CD163: variants seen among roughly 807,000 people sequenced by gnomAD.
CD163 encodes CD163 molecule.
CD163 carries 64 observed loss-of-function variants against 129.2 expected under a neutral mutation model. That is an observed-to-expected ratio of 0.50 (90% confidence interval 0.41 to 0.61). The LOEUF is 0.61. Among genes scored for constraint, CD163 ranks in the 20% least tolerant of loss-of-function variants. The pLI is 0.00. For synonymous variants in CD163, 446 were observed against 478.5 expected (o/e 0.93, Z 0.89); for missense variants, 1,061 against 1,377.9 (o/e 0.77, Z 3.64).
At chr12:7,477,959 ATATGAAT>A (rs1283170321) in intron 16 of CD163, among the ~76,000 whole-genome samples, 1 of 152,172 alleles carries the variant, frequency 6.6e-6, no homozygotes, top group Non-Finnish European at 1.5e-5. Flanking sequence ...CTTTATGCAC[ATATGAAT>A]GCATAATTTT....
In CD163 at chr12:7,486,484, A is replaced by G; in HGVS notation, c.2458+15T>C. 2 of 1,605,042 alleles carry G rather than the reference A, an allele frequency of 1.2e-6. No individual in the cohort carries two copies. The highest frequency in any genetic ancestry group is 1.7e-6 in the Non-Finnish European group (2 of 1,173,542). ...CTCTATGTAATTATGACCAAAGGTC[A>G]TATGCATAATTTACCTGAGCAGATA... On this transcript the variant is annotated intron_variant, in intron 10 of 16. Coordinates refer to ENST00000432237, the MANE Select transcript of CD163 (RefSeq NM_203416.4).
chr12:7,499,741 C>A (rs1949453016), intron 3 of CD163, among the ~76,000 whole-genome samples: 1 of 152,074 alleles, frequency 6.6e-6, no homozygotes, highest in African/African-American at 2.4e-5. Context: ...CCATTTCACA[C>A]CTCCCATAGT....
At position 7,496,713 on chromosome 12, in the gene CD163, C is replaced by T. The variant is rs1949406575; in HGVS notation, c.1099+100G>A. On this transcript the variant is annotated intron_variant, in intron 5 of 16. Transcript: ENST00000432237. The surrounding 1 kb of genome is among the most constrained non-coding windows in gnomAD (Gnocchi z 4.8). ...GCAAGGAATTTACTAGGCATTTCTA[C>T]TTCTTAAGGAGCACGTTCCTACTCT... 4 of 952,898 alleles carry T rather than the reference C, an allele frequency of 4.2e-6. No homozygotes were observed. Among genetic ancestry groups the T allele is most frequent in the Non-Finnish European group, 6.5e-6 (4 of 614,538 alleles). 59.0% of individuals were successfully genotyped at this position (952,898 alleles called of 1,614,324 possible).
rs144129533 is a variant in CD163 at position 7,496,291 on chromosome 12, C to G, written c.1099+522G>C. Reference sequence around the variant, plus strand: ...GAGTTGAACAATGAGAACACACGGACACAGGGAGGGGAACATCACACACTG... The same window carrying G: ...GAGTTGAACAATGAGAACACACGGAGACAGGGAGGGGAACATCACACACTG... On this transcript the variant is annotated intron_variant, in intron 5 of 16. Coordinates refer to ENST00000432237, the MANE Select transcript of CD163 (RefSeq NM_203416.4). The surrounding 1 kb of genome is among the most constrained non-coding windows in gnomAD (Gnocchi z 4.8). 2.0e-3 allele frequency among the ~76,000 whole-genome samples: 301 copies of G among 150,810 alleles called. No homozygotes were observed. The highest frequency in any genetic ancestry group is 0.014 in the Middle Eastern group (4 of 292).
Position 7,485,351 on chromosome 12 carries a change from A to C in CD163, c.2524T>G (p.Phe842Val). The C allele has an allele frequency of 6.8e-6, 11 of 1,614,182 alleles. No individual in the cohort carries two copies. Among genetic ancestry groups the C allele is most frequent in the Non-Finnish European group, 9.3e-6 (11 of 1,180,026 alleles). Reference sequence around the variant, plus strand: ...ACAGTGCCCCAAGCTCCATTGTAAAAAACTTCCAGACGCCCTGCACAGGCC... The same window carrying C: ...ACAGTGCCCCAAGCTCCATTGTAAACAACTTCCAGACGCCCTGCACAGGCC... ...REACAGRLEV[F>V]YNGAWGTVGK... Residue 842 changes from phenylalanine to valine, a missense_variant, in exon 11 of 17, where the codon TTT becomes GTT. Phe to Val is a conservative substitution (Grantham distance 50). Coordinates refer to ENST00000432237, the MANE Select transcript of CD163 (RefSeq NM_203416.4). This position sits in a 1 kb window ranked among gnomAD's most constrained non-coding sequence, Gnocchi z 4.5.
In CD163 at chr12:7,487,832, A is replaced by C. The variant is rs1592001810; in HGVS notation, c.1676T>G (p.Val559Gly). ...GHESHLSLCP[V>G]APRPEGTCSH... ...ACAAGTTCCTTCTGGGCGGGGTGCT[A>C]CTGGGCAGAGTGAAAGATGGGACTC... The change falls in exon 7 of 17, where the codon GTA becomes GGA. Residue 559 changes from valine to glycine, a missense_variant. Val to Gly is a moderately radical substitution (Grantham distance 109). Coordinates refer to ENST00000432237, the MANE Select transcript of CD163 (RefSeq NM_203416.4). This position sits in a 1 kb window ranked among gnomAD's most constrained non-coding sequence, Gnocchi z 5.1. The C allele has an allele frequency of 1.9e-6, 3 of 1,614,128 alleles. No individual in the cohort carries two copies. Among genetic ancestry groups the C allele is most frequent in the East Asian group, 4.5e-5 (2 of 44,876 alleles).
intron 3 of CD163, among the ~76,000 whole-genome samples, chr12:7,500,295 C>G (rs1949462624): frequency 6.6e-6 from 1 of 151,496 alleles, no homozygotes; most frequent in South Asian, 2.1e-4. Flanking sequence ...GTGGCAGGTG[C>G]CTATAATCCC....
intron 16 of CD163, among the ~76,000 whole-genome samples, chr12:7,472,247 T>C (rs1949015591): frequency 6.6e-6 from 1 of 152,194 alleles, no homozygotes; most frequent in Non-Finnish European, 1.5e-5. Flanking sequence ...CCTCCTCAAG[T>C]GGGTCCCTGA....
At chr12:7,484,514 C>T (rs1455771839) in intron 11 of CD163, among the ~76,000 whole-genome samples, 2 of 151,936 alleles carry the variant, frequency 1.3e-5, no homozygotes, top group African/African-American at 4.8e-5. Context: ...TGGCTCATGC[C>T]TGTAATCCCA....
At position 7,500,130 on chromosome 12, in the gene CD163, A is replaced by C. The variant is rs775298957; in HGVS notation, c.458-942T>G. Among the ~76,000 whole-genome samples, 183 of 152,112 alleles carry C rather than the reference A, an allele frequency of 1.2e-3. 1 individual carries two copies. Among genetic ancestry groups the C allele is most frequent in the Non-Finnish European group, 2.1e-3 (142 of 67,978 alleles). On this transcript the variant is annotated intron_variant, in intron 3 of 16. Coordinates refer to ENST00000432237, the MANE Select transcript of CD163 (RefSeq NM_203416.4). The stretch of plus-strand genomic sequence containing the variant: ...GAGGTGAGAGGATTGTATAAAAATT[A>C]ATGAAACAGGCCAGTCACGGTGGCT...
In CD163 at chr12:7,489,469, T is replaced by C. The variant is rs771339153; in HGVS notation, c.1421-1382A>G. Among the ~76,000 whole-genome samples the C allele has an allele frequency of 2.0e-5, 3 of 152,250 alleles. No homozygotes were observed. The South Asian group carries it at 6.2e-4, about 32-fold the overall frequency. On this transcript the variant is annotated intron_variant, in intron 6 of 16. Transcript: ENST00000432237. Reference sequence around the variant, plus strand: ...ATGCAATGATCCCTTACATAATTTCTTATAATTTCTGTAATAATCATGTAT... The same window carrying C: ...ATGCAATGATCCCTTACATAATTTCCTATAATTTCTGTAATAATCATGTAT...
chr12:7,487,703 CA>C lies in CD163; in HGVS notation c.1736-31del. 1 of 1,614,142 alleles carries C rather than the reference CA, an allele frequency of 6.2e-7. No homozygotes were observed. Among genetic ancestry groups the C allele is most frequent in the South Asian group, 1.1e-5 (1 of 91,078 alleles). Reference sequence around the variant, plus strand: ...AAGGAGACAGGGCTTTAGAAAAAGACAGCTATGACTCCCTAACCCTGTCCCT... The same window carrying C: ...AAGGAGACAGGGCTTTAGAAAAAGACGCTATGACTCCCTAACCCTGTCCCT... On this transcript the variant is annotated intron_variant, in intron 7 of 16. Coordinates refer to ENST00000432237, the MANE Select transcript of CD163 (RefSeq NM_203416.4). The surrounding 1 kb of genome is among the most constrained non-coding windows in gnomAD (Gnocchi z 5.1).
intron 16 of CD163, among the ~76,000 whole-genome samples, chr12:7,475,970 G>A (rs1396963371): frequency 6.6e-6 from 1 of 152,118 alleles, no homozygotes; most frequent in Non-Finnish European, 1.5e-5. Context: ...CAAATCATTA[G>A]TGAACTCCTA....
rs562880181 is a variant in CD163, at chr12:7,480,425, C to T, written c.3344-512G>A. 1.4e-3 allele frequency: 219 copies of T among 152,880 alleles called. 1 individual carries two copies. The highest frequency in any genetic ancestry group is 2.5e-3 in the Admixed American group (39 of 15,298). 9.5% of individuals were successfully genotyped at this position (152,880 alleles called of 1,614,324 possible). The stretch of plus-strand genomic sequence containing the variant: ...AGGCTAGTTCTGTGGATTTGTATGG[C>T]TTCTCATGCAATAAAGATATTGAAA... On this transcript the variant is annotated intron_variant, in intron 15 of 16. Transcript: ENST00000432237.
intron 16 of CD163, among the ~76,000 whole-genome samples, chr12:7,477,361 A>T (rs780451157): frequency 6.6e-6 from 1 of 152,338 alleles, no homozygotes; most frequent in Non-Finnish European, 1.5e-5. Flanking sequence ...GATAGACTGG[A>T]TAAAGAAAAT....
Position 7,474,116 on chromosome 12 carries a change from C to G in CD163, c.*32-2719G>C, listed in dbSNP as rs750924660. ...AGACCTACAAATAGACTTAGACTCCCACACAATAGTAGTGGGAGACTTTAA... is the reference window on the plus strand; with the variant it reads ...AGACCTACAAATAGACTTAGACTCCGACACAATAGTAGTGGGAGACTTTAA... On this transcript the variant is annotated intron_variant, in intron 16 of 16. Transcript: ENST00000432237. Among the ~76,000 whole-genome samples the G allele has an allele frequency of 3.9e-5, 6 of 152,204 alleles. No individual in the cohort carries two copies. The South Asian group carries it at 1.2e-3, about 32-fold the overall frequency.
At chr12:7,488,314 T>C (rs1949284737) in intron 6 of CD163, among the ~76,000 whole-genome samples, 1 of 152,170 alleles carries the variant, frequency 6.6e-6, no homozygotes, top group Non-Finnish European at 1.5e-5. Flanking sequence ...GACTTCACCT[T>C]GTGCAGCCAA....
At chr12:7,483,842 T>TA (rs71067190) in intron 11 of CD163, 167 bp from the exon 12 acceptor site, 4,751 of 61,378 alleles carry the variant, frequency 0.077, 77 homozygotes, top group African/African-American at 0.14. Context: ...TATATATATA[T>TA]TTTTTTTTTT....
rs1434058024 is a variant in CD163, at chr12:7,498,923, T to C, written c.723A>G (p.Gln241=). The change falls in exon 4 of 17, where the codon CAA becomes CAG. Residue 241 remains glutamine, a synonymous_variant. Coordinates refer to ENST00000432237, the MANE Select transcript of CD163 (RefSeq NM_203416.4). Reference sequence around the variant, plus strand: ...GATCACAGTTATGCTTTCCCCATCCTTGATGTTTGCAGTTCCAGAGAGCTG... The same window carrying C: ...GATCACAGTTATGCTTTCCCCATCCCTGATGTTTGCAGTTCCAGAGAGCTG... ...NESALWNCKH[Q]GWGKHNCDHA... 4 of 1,614,048 alleles carry C rather than the reference T, an allele frequency of 2.5e-6. No individual in the cohort carries two copies. In the African/African-American group the frequency reaches 5.3e-5, roughly 22 times the overall value.
Sources: allele counts gnomAD v4.1 joint callset (sites outside exome capture counted in the v4.1 genomes callset), GRCh38; gene constraint gnomAD v4.1.1; non-coding constraint Gnocchi (gnomAD v3.1); transcripts MANE v1.5; gene names NCBI Gene and HGNC (gene_info 2026-07-23, HGNC 2026-07-21).